Variants in CLPTM1L observed in about 807,000 individuals in gnomAD.
CLPTM1L encodes CLPTM1 like.
Under a neutral mutation model 70.9 loss-of-function variants are expected in CLPTM1L, and 38 were observed. The ratio of observed to expected loss-of-function variants is 0.54; its 90% CI spans 0.41 to 0.70. The LOEUF (loss-of-function observed/expected upper bound fraction) is 0.70. Ranked by LOEUF, CLPTM1L falls within the 30% of genes least tolerant of loss-of-function variation. The probability of loss-of-function intolerance (pLI) is 0.00; values close to 1 mark genes in which losing one functional copy is unlikely to be tolerated. For missense variants in CLPTM1L, 652 were observed against 705.9 expected (o/e 0.92, Z 0.87); for synonymous variants, 339 against 299.9 (o/e 1.13, Z -1.35).
At chr5:1,327,810 C>T (rs1247883231) in intron 9 of CLPTM1L, among the ~76,000 whole-genome samples, 10 of 145,230 alleles carry the variant, frequency 6.9e-5, no homozygotes, top group African/African-American at 1.6e-4. Context: ...CAGACACATT[C>T]CATCCAGCTC....
At chr5:1,323,723 T>C in intron 12 of CLPTM1L, 64 bp downstream of exon 12, 1 of 1,431,404 alleles carries the variant, frequency 7.0e-7, no homozygotes, top group Non-Finnish European at 9.8e-7. Context: ...CCGCTCTGGC[T>C]CAGTCATCCA....
Position 1,318,444 on chromosome 5 carries a change from A to C in CLPTM1L, c.1542T>G (p.Pro514=), listed in dbSNP as rs781588868. ...LVYLYQRWLY[P]VDKRRVNEFG... The stretch of plus-strand genomic sequence containing the variant: ...ACTCGTTCACTCTGCGTTTATCCAC[A>C]GGATAAAGCCTGCAATGACACAAAT... Residue 514 remains proline, a synonymous_variant, in exon 17 of 17, where the codon CCT becomes CCG. Transcript: ENST00000320895. This position sits in a 1 kb window ranked among gnomAD's most constrained non-coding sequence, Gnocchi z 8.9. 6.2e-7 allele frequency: 1 copy of C among 1,613,184 alleles called. No homozygotes were observed. The highest frequency in any genetic ancestry group is 8.5e-7 in the Non-Finnish European group (1 of 1,179,410).
At chr5:1,327,679 C>A (rs1268352022) in intron 9 of CLPTM1L, among the ~76,000 whole-genome samples, 1 of 150,364 alleles carries the variant, frequency 6.7e-6, no homozygotes, top group African/African-American at 2.5e-5. Context: ...CCAGCTCCTC[C>A]TCTACAGACA....
At chr5:1,328,967 A>T (rs1438352664) in intron 9 of CLPTM1L, among the ~76,000 whole-genome samples, 2 of 151,972 alleles carry the variant, frequency 1.3e-5, no homozygotes, top group South Asian at 2.1e-4. Flanking sequence ...CTCTACAGAC[A>T]CATTTCATAC....
intron 9 of CLPTM1L, among the ~76,000 whole-genome samples, chr5:1,327,175 T>C (rs1228520385): frequency 2.1e-5 from 3 of 145,150 alleles, no homozygotes; most frequent in South Asian, 2.2e-4. Context: ...GCACATTCCA[T>C]CCAGCTCCTC....
Position 1,320,639 on chromosome 5 carries a change from A to T in CLPTM1L, c.1509T>A (p.Phe503Leu). ...ACCACCGCTGGTACAGGTAGACCAGAAACACCACGTCGTCCCGGAAGCAGG... is the reference window on the plus strand; with the variant it reads ...ACCACCGCTGGTACAGGTAGACCAGTAACACCACGTCGTCCCGGAAGCAGG... ...RLACFRDDVV[F>L]LVYLYQRWLY... is the part of the protein sequence containing the mutation. The change falls in exon 16 of 17, where the codon TTT (phenylalanine) becomes TTA (leucine). Residue 503 changes from phenylalanine to leucine, a missense_variant. Coordinates refer to ENST00000320895, the MANE Select transcript of CLPTM1L (RefSeq NM_030782.5). 1 of 1,544,472 alleles carries T rather than the reference A, an allele frequency of 6.5e-7. No individual in the cohort carries two copies. Among genetic ancestry groups the T allele is most frequent in the Non-Finnish European group, 8.7e-7 (1 of 1,143,184 alleles).
intron 12 of CLPTM1L, 27 bp from the exon 13 acceptor site, chr5:1,322,938 C>T: frequency 6.2e-7 from 1 of 1,603,640 alleles, no homozygotes; most frequent in African/African-American, 1.3e-5. Flanking sequence ...AGGAGAAGTC[C>T]TATTTCTCGC....
intron 16 of CLPTM1L, among the ~76,000 whole-genome samples, chr5:1,319,539 G>A (rs536423372): frequency 1.3e-5 from 2 of 152,356 alleles, no homozygotes; most frequent in African/African-American, 4.8e-5. Context: ...ACAGGGCGGG[G>A]ACGGGAGCAC....
chr5:1,321,037 G>A (rs886395281), intron 15 of CLPTM1L, among the ~76,000 whole-genome samples: 4 of 152,160 alleles, frequency 2.6e-5, no homozygotes, highest in African/African-American at 9.7e-5. Flanking sequence ...CAGAGCCAAG[G>A]GCAGAGCCAC....
intron 13 of CLPTM1L, among the ~76,000 whole-genome samples, chr5:1,322,396 T>C (rs1752209487): frequency 6.6e-6 from 1 of 152,086 alleles, no homozygotes; most frequent in Non-Finnish European, 1.5e-5. Flanking sequence ...CCCTGCAGGG[T>C]CCCCACACTG....
chr5:1,332,379 A>T (rs766281407), intron 7 of CLPTM1L: 1 of 155,060 alleles, frequency 6.4e-6, no homozygotes, highest in Non-Finnish European at 1.4e-5. Flanking sequence ...TCCAAAAAAA[A>T]CTTAAAAAAA....
chr5:1,321,813 T>G lies in CLPTM1L; in HGVS notation c.1322A>C (p.Tyr441Ser). The change falls in exon 14 of 17, where the codon TAT becomes TCT. Residue 441 changes from tyrosine to serine, a missense_variant. By Grantham distance (144) the Tyr-to-Ser change is moderately radical. Around this residue, in one of 3 missense-constraint regions of CLPTM1L, gnomAD observed 240 missense variants for 295.0 expected, o/e 0.81. Coordinates refer to ENST00000320895, the MANE Select transcript of CLPTM1L (RefSeq NM_030782.5). ...WLINSFVNGV[Y>S]AFGFLFMLPQ... ...CAGCATGAAGAGGAAACCAAAGGCA[T>G]AGACCCCTGCAGAAAGACAGACAGC... is the stretch of plus-strand genomic sequence containing the variant. 6.2e-7 allele frequency: 1 copy of G among 1,613,740 alleles called. No individual in the cohort carries two copies.
intron 10 of CLPTM1L, chr5:1,325,267 A>G (rs372169815): frequency 4.0e-6 from 1 of 247,714 alleles, no homozygotes; most frequent in Non-Finnish European, 7.8e-6. Flanking sequence ...CCCCGCCTCA[A>G]TCAAGGTCCA....
chr5:1,330,946 C>T (rs1421170732), intron 8 of CLPTM1L: 3 of 153,138 alleles, frequency 2.0e-5, no homozygotes, highest in Non-Finnish European at 2.9e-5. Flanking sequence ...GAGACAACAA[C>T]GCAGAACACG....
rs3222913 is a variant in CLPTM1L at position 1,342,039 on chromosome 5, T to TGTGTGTGTGTGTGTGTGTGTGC, written c.264-180_264-179insGCACACACACACACACACACAC. Among the ~76,000 whole-genome samples the TGTGTGTGTGTGTGTGTGTGTGC allele has an allele frequency of 6.7e-6, 1 of 148,976 alleles. No individual in the cohort carries two copies. Among genetic ancestry groups the TGTGTGTGTGTGTGTGTGTGTGC allele is most frequent in the African/African-American group, 2.5e-5 (1 of 39,664 alleles). Reference sequence around the variant, plus strand: ...GTGTGTGTGTGTGTGTGTGTGTGTGTGCACGCGCACGCGTGCGCGTCCTGA... The same window carrying TGTGTGTGTGTGTGTGTGTGTGC: ...GTGTGTGTGTGTGTGTGTGTGTGTGTGTGTGTGTGTGTGTGTGTGTGCGCACGCGCACGCGTGCGCGTCCTGA... On this transcript the variant is annotated intron_variant, in intron 2 of 16. Transcript: ENST00000320895. This position sits in a 1 kb window ranked among gnomAD's most constrained non-coding sequence, Gnocchi z 4.3.
chr5:1,325,883 C>A, intron 9 of CLPTM1L, 67 bp from the exon 10 acceptor site: 2 of 1,382,348 alleles, frequency 1.4e-6, no homozygotes, highest in South Asian at 1.2e-5. Context: ...ATGAACGACC[C>A]AGACAGTAAC....
Position 1,325,826 on chromosome 5 carries a change from G to A in CLPTM1L, c.1081-10C>T, listed in dbSNP as rs368365392. On this transcript the variant is annotated splice_polypyrimidine_tract_variant and intron_variant, in intron 9 of 16. Coordinates refer to ENST00000320895, the MANE Select transcript of CLPTM1L (RefSeq NM_030782.5). ...TCTTCACTTTCCACAGCTGAGGGGAGAAATCAGGAAATAGTTCCTTTAATA... is the reference window on the plus strand; with the variant it reads ...TCTTCACTTTCCACAGCTGAGGGGAAAAATCAGGAAATAGTTCCTTTAATA... The A allele has an allele frequency of 5.6e-6, 9 of 1,612,258 alleles. No individual in the cohort carries two copies. The highest frequency in any genetic ancestry group is 6.8e-6 in the Non-Finnish European group (8 of 1,178,706).
rs979757838 is a variant in CLPTM1L, at chr5:1,344,543, C to A, written c.163-92G>T. On this transcript the variant is annotated intron_variant, in intron 1 of 16. Coordinates refer to ENST00000320895, the MANE Select transcript of CLPTM1L (RefSeq NM_030782.5). ...GCCAGCTGGAGGGCGGAAGACCTGG[C>A]CGCTGGGGAACCAGGAAAGGTTCCA... 4.1e-6 allele frequency: 6 copies of A among 1,470,418 alleles called. No individual in the cohort carries two copies. In the Admixed American group the frequency reaches 7.5e-5, roughly 18 times the overall value. 91.1% of individuals were successfully genotyped at this position (1,470,418 alleles called of 1,614,324 possible).
chr5:1,344,912 C>A lies in CLPTM1L; in HGVS notation c.-71G>T. On this transcript the variant is annotated 5_prime_UTR_variant, in exon 1 of 17. Transcript: ENST00000320895. ...CGAGCCCCGCCCGCCCGGCGCCCAGCCCGCCGCTCCGGGCTCCGCCGCTCA... is the reference window on the plus strand; with the variant it reads ...CGAGCCCCGCCCGCCCGGCGCCCAGACCGCCGCTCCGGGCTCCGCCGCTCA... The A allele has an allele frequency of 1.1e-6, 1 of 903,248 alleles. No homozygotes were observed. The highest frequency in any genetic ancestry group is 1.3e-6 in the Non-Finnish European group (1 of 754,620). The allele number at this position is 903,248 out of a possible 1,614,324, so 56.0% of individuals were successfully genotyped here. A position where few individuals can be genotyped will look rare whatever the true frequency, so the allele number is the denominator to read the frequency against.
Sources: allele counts gnomAD v4.1 joint callset (sites outside exome capture counted in the v4.1 genomes callset), GRCh38; gene constraint gnomAD v4.1.1; regional missense constraint gnomAD v4.1.1; non-coding constraint Gnocchi (gnomAD v3.1); transcripts MANE v1.5; gene names NCBI Gene and HGNC (gene_info 2026-07-23, HGNC 2026-07-21).